MYO1D: variants seen among roughly 807,000 people sequenced by gnomAD.
MYO1D encodes the protein unconventional myosin-Id.
MYO1D carries 83 observed loss-of-function variants against 122.0 expected under a neutral mutation model. The ratio of observed to expected loss-of-function variants is 0.68; its 90% CI spans 0.57 to 0.82. The LOEUF is 0.82. MYO1D is among the 40% of genes least tolerant of loss of function. MYO1D has a pLI of 0.00. For synonymous variants in MYO1D, 464 were observed against 446.9 expected, an observed-to-expected ratio of 1.04 and a Z score of -0.48; for missense variants, 1,157 against 1,269.5, an observed-to-expected ratio of 0.91 and a Z score of 1.35.
At chr17:32,680,756 C>T (rs961410419) in intron 16 of MYO1D, among the ~76,000 whole-genome samples, 1 of 152,204 alleles carries the variant, frequency 6.6e-6, no homozygotes, top group Non-Finnish European at 1.5e-5. Context: ...CAGAATGATA[C>T]TGGCCTCATA....
chr17:32,857,584 C>CAAAAAAA (rs563112277), intron 1 of MYO1D, among the ~76,000 whole-genome samples: 1 of 107,836 alleles, frequency 9.3e-6, no homozygotes, highest in African/African-American at 3.4e-5. Flanking sequence ...GACTCCACCT[C>CAAAAAAA]AAAAAAAAAA....
At chr17:32,532,466 G>A (rs1055903479) in intron 21 of MYO1D, among the ~76,000 whole-genome samples, 5 of 152,168 alleles carry the variant, frequency 3.3e-5, no homozygotes, top group Non-Finnish European at 7.3e-5. Context: ...AGTGGCTCAT[G>A]CCTGTAATCC....
At chr17:32,534,775 C>A in intron 21 of MYO1D, among the ~76,000 whole-genome samples, 1 of 152,128 alleles carries the variant, frequency 6.6e-6, no homozygotes, top group Non-Finnish European at 1.5e-5. Flanking sequence ...GAAATCCCCC[C>A]CTTTTTCTCT....
chr17:32,502,048 A>G (rs531141249), intron 21 of MYO1D, among the ~76,000 whole-genome samples: 3 of 152,238 alleles, frequency 2.0e-5, no homozygotes, highest in African/African-American at 7.2e-5. Flanking sequence ...GTGTGGCGAA[A>G]ACCTCCATAC....
rs1346503797 is a variant in MYO1D, at chr17:32,760,378, C to A, written c.1208G>T (p.Cys403Phe). ...NSFEQFCINY[C>F]NEKLQQLFIQ... ...AAATAGCTGCTGCAGTTTCTCATTG[C>A]AGTAATTGATACAGAATTGTTCAAA... Residue 403 changes from cysteine (C) to phenylalanine (F), a missense_variant, in exon 10 of 22, where the codon TGC becomes TTC. Coordinates refer to ENST00000318217, the MANE Select transcript of MYO1D (RefSeq NM_015194.3). 1 of 1,611,834 alleles carries A rather than the reference C, an allele frequency of 6.2e-7. No individual in the cohort carries two copies.
Position 32,869,661 on chromosome 17 carries a change from T to C in MYO1D, c.95+7117A>G, listed in dbSNP as rs533405391. 3.9e-5 allele frequency among the ~76,000 whole-genome samples: 6 copies of C among 152,342 alleles called. No homozygotes were observed. The South Asian group carries it at 6.2e-4, about 16-fold the overall frequency. On this transcript the variant is annotated intron_variant, in intron 1 of 21. Coordinates refer to ENST00000318217, the MANE Select transcript of MYO1D (RefSeq NM_015194.3). ...AACAGCTCTCCACATAGAGCTAATA[T>C]GGAGATCACTAAATAAACACATTTC...
intron 1 of MYO1D, among the ~76,000 whole-genome samples, chr17:32,825,965 C>T (rs1274576209): frequency 6.6e-6 from 1 of 151,038 alleles, no homozygotes. Flanking sequence ...AGGAGGATTG[C>T]CTCAGCCCAG....
chr17:32,690,524 AT>A (rs1174465671), intron 16 of MYO1D, among the ~76,000 whole-genome samples: 40 of 152,266 alleles, frequency 2.6e-4, no homozygotes. Flanking sequence ...TTGGATGTCT[AT>A]CCCCTTCGAA....
chr17:32,592,426 T>C (rs2087446867), intron 21 of MYO1D, among the ~76,000 whole-genome samples: 1 of 152,262 alleles, frequency 6.6e-6, no homozygotes, highest in South Asian at 2.1e-4. Context: ...GATGCATCAA[T>C]GTTGTTGTGT....
chr17:32,780,507 G>A, intron 2 of MYO1D, 69 bp downstream of exon 2: 1 of 1,483,140 alleles, frequency 6.7e-7, no homozygotes, highest in Non-Finnish European at 9.4e-7. Flanking sequence ...TCAATTGTTT[G>A]GATTCTTGAG....
intron 21 of MYO1D, among the ~76,000 whole-genome samples, chr17:32,496,592 C>T (rs930609518): frequency 2.0e-5 from 3 of 152,168 alleles, no homozygotes; most frequent in Non-Finnish European, 2.9e-5. Flanking sequence ...CCCTGCAGCC[C>T]TCGTGCTGGA....
intron 1 of MYO1D, among the ~76,000 whole-genome samples, chr17:32,782,094 T>C (rs1414729168): frequency 1.3e-5 from 2 of 152,220 alleles, no homozygotes; most frequent in Admixed American, 6.5e-5. Context: ...AACTAAGCAT[T>C]TGGGACCAAA....
chr17:32,550,630 A>G (rs1162160896), intron 21 of MYO1D, among the ~76,000 whole-genome samples: 1 of 152,196 alleles, frequency 6.6e-6, no homozygotes, highest in Non-Finnish European at 1.5e-5. Flanking sequence ...GGTAATTAAA[A>G]AGGTACTTGC....
intron 7 of MYO1D, among the ~76,000 whole-genome samples, chr17:32,767,292 C>T (rs953094786): frequency 2.0e-5 from 3 of 152,146 alleles, no homozygotes; most frequent in Admixed American, 1.3e-4. Context: ...AAATCCAGTT[C>T]CGATAACCTA....
intron 7 of MYO1D, among the ~76,000 whole-genome samples, chr17:32,766,497 G>A (rs879305504): frequency 6.6e-6 from 1 of 151,986 alleles, no homozygotes; most frequent in Non-Finnish European, 1.5e-5. Context: ...AACAGGTCAA[G>A]TTAAAAACAA....
chr17:32,639,363 T>TTGTGTGTGTGTGTGTGTG (rs10674390), intron 19 of MYO1D, among the ~76,000 whole-genome samples: 21 of 128,216 alleles, frequency 1.6e-4, no homozygotes, highest in Non-Finnish European at 3.0e-4. Flanking sequence ...GGGAGAAATT[T>TTGTGTGTGTGTGTGTGTG]TGTGTGTGTG....
At chr17:32,807,369 T>C (rs2090524847) in intron 1 of MYO1D, among the ~76,000 whole-genome samples, 1 of 151,934 alleles carries the variant, frequency 6.6e-6, no homozygotes, top group African/African-American at 2.4e-5. Flanking sequence ...TATATACATA[T>C]TTAAAACAAA....
intron 20 of MYO1D, among the ~76,000 whole-genome samples, chr17:32,635,617 T>C (rs1228876613): frequency 2.6e-5 from 4 of 151,846 alleles, no homozygotes; most frequent in African/African-American, 7.3e-5. Flanking sequence ...TGCTTGAACC[T>C]AGGAGGCGGA....
intron 21 of MYO1D, chr17:32,510,732 C>T (rs1305940341): frequency 2.0e-5 from 3 of 152,196 alleles, no homozygotes; most frequent in East Asian, 1.9e-4. Context: ...CTGGCGACCC[C>T]TGCGTCGGTT....
Sources: allele counts gnomAD v4.1 joint callset (sites outside exome capture counted in the v4.1 genomes callset), GRCh38; gene constraint gnomAD v4.1.1; transcripts MANE v1.5; gene names NCBI Gene and HGNC (gene_info 2026-07-23, HGNC 2026-07-21).